CNTNAP2: variants seen among roughly 807,000 people sequenced by gnomAD.
CNTNAP2 encodes contactin-associated protein-like 2.
Under a neutral mutation model 155.2 loss-of-function variants are expected in CNTNAP2, and 98 were observed. That is an observed-to-expected ratio of 0.63 (90% CI 0.54 to 0.75). The LOEUF (loss-of-function observed/expected upper bound fraction) is 0.75, where lower values mean the gene tolerates loss of function less well. Ranked by LOEUF, CNTNAP2 falls within the 30% of genes least tolerant of loss-of-function variation. The pLI is 0.00. For missense variants in CNTNAP2, 1,727 were observed against 1,688.1 expected (o/e 1.02, Z -0.40); for synonymous variants, 651 against 631.2 (o/e 1.03, Z -0.47).
intron 17 of CNTNAP2, among the ~76,000 whole-genome samples, chr7:148,160,285 G>A (rs950327839): frequency 2.0e-5 from 3 of 151,160 alleles, no homozygotes; most frequent in African/African-American, 7.3e-5. Flanking sequence ...AATGATGTGC[G>A]CCTATAGTCT....
At chr7:147,926,276 C>T (rs1283732010) in intron 14 of CNTNAP2, among the ~76,000 whole-genome samples, 1 of 152,158 alleles carries the variant, frequency 6.6e-6, no homozygotes, top group East Asian at 1.9e-4. Context: ...TGGAGACTTA[C>T]ATGAAGCCTC....
At chr7:148,191,255 G>GCTCTCT (rs140567836) in intron 18 of CNTNAP2, among the ~76,000 whole-genome samples, 3 of 148,254 alleles carry the variant, frequency 2.0e-5, no homozygotes, top group East Asian at 2.0e-4. Flanking sequence ...GTGCACTCTT[G>GCTCTCT]CTCTCTCTCT....
chr7:148,365,764 A>ACGTGTATACATGTATGTGTATG (rs1798734716), intron 21 of CNTNAP2, among the ~76,000 whole-genome samples: 3 of 56,230 alleles, frequency 5.3e-5, no homozygotes, highest in African/African-American at 2.8e-4. Context: ...GTATGTGTAT[A>ACGTGTATACATGTATGTGTATG]CGTGTATACA....
At chr7:147,962,206 C>A (rs1279717037) in intron 14 of CNTNAP2, among the ~76,000 whole-genome samples, 1 of 152,190 alleles carries the variant, frequency 6.6e-6, no homozygotes, top group Non-Finnish European at 1.5e-5. Flanking sequence ...GAAGCAAATT[C>A]TATATGAAAA....
At chr7:147,379,200 G>C (rs1796491922) in intron 9 of CNTNAP2, among the ~76,000 whole-genome samples, 1 of 152,022 alleles carries the variant, frequency 6.6e-6, no homozygotes, top group Non-Finnish European at 1.5e-5. Context: ...TCTTGCCTAT[G>C]TCTGTATTAG....
chr7:148,334,865 C>G (rs1798090812), intron 21 of CNTNAP2, among the ~76,000 whole-genome samples: 1 of 152,144 alleles, frequency 6.6e-6, no homozygotes, highest in Admixed American at 6.5e-5. Flanking sequence ...AAAGACACAG[C>G]CAGGGGAAAC....
chr7:147,479,148 T>C (rs1798375702), intron 10 of CNTNAP2, among the ~76,000 whole-genome samples: 1 of 152,228 alleles, frequency 6.6e-6, no homozygotes, highest in South Asian at 2.1e-4. Context: ...GGCCCTTGTC[T>C]TCCCTCCACG....
chr7:147,225,802 A>AAGGAAG (rs1803515340), intron 8 of CNTNAP2, among the ~76,000 whole-genome samples: 7 of 94,882 alleles, frequency 7.4e-5, no homozygotes, highest in Non-Finnish European at 1.6e-4. Flanking sequence ...AAGGAAGGAA[A>AAGGAAG]GAAAGAAAGA....
At chr7:148,334,130 G>T (rs545593381) in intron 21 of CNTNAP2, among the ~76,000 whole-genome samples, 2 of 152,312 alleles carry the variant, frequency 1.3e-5, no homozygotes, top group East Asian at 1.9e-4. Flanking sequence ...CTAATGAATG[G>T]CAGCAGCATG....
chr7:147,775,236 T>TATATATTTATATATATATTTATAA lies in CNTNAP2; in HGVS notation c.2099-128298_2099-128275dup, dbSNP rs1563084275. 6.1e-4 allele frequency among the ~76,000 whole-genome samples: 73 copies of TATATATTTATATATATATTTATAA among 120,198 alleles called. 3 individuals are homozygous for TATATATTTATATATATATTTATAA. The highest frequency in any genetic ancestry group is 4.8e-3 in the East Asian group (21 of 4,370). The allele number at this position is 120,198 out of a possible 152,430, so 78.9% of individuals were successfully genotyped here. ...CCTATAAATACAAAAGAAATATATA[T>TATATATTTATATATATATTTATAA]ATATATTTATATATATATTTATAAA... On this transcript the variant is annotated intron_variant, in intron 13 of 23. Coordinates refer to ENST00000361727, the MANE Select transcript of CNTNAP2 (RefSeq NM_014141.6).
chr7:147,091,771 A>AT (rs541745138), intron 4 of CNTNAP2, among the ~76,000 whole-genome samples: 17 of 151,524 alleles, frequency 1.1e-4, no homozygotes, highest in South Asian at 4.2e-4. Context: ...ATGCCCGGCT[A>AT]TTTTTTTTGT....
chr7:146,167,274 G>A (rs977169969), intron 1 of CNTNAP2, among the ~76,000 whole-genome samples: 10 of 152,148 alleles, frequency 6.6e-5, no homozygotes, highest in Admixed American at 4.6e-4. Context: ...CTCATTGTTG[G>A]TCATATAAAT....
intron 1 of CNTNAP2, among the ~76,000 whole-genome samples, chr7:146,598,909 G>A (rs1798904330): frequency 6.6e-6 from 1 of 151,960 alleles, no homozygotes; most frequent in Admixed American, 6.6e-5. Flanking sequence ...AATGGAGAAT[G>A]CACTAAATGC....
intron 2 of CNTNAP2, among the ~76,000 whole-genome samples, chr7:146,787,953 C>T (rs2129188376): frequency 6.6e-6 from 1 of 152,280 alleles, no homozygotes; most frequent in African/African-American, 2.4e-5. Flanking sequence ...TTCTCCAAGT[C>T]CCCACCAGAT....
rs1799871852 is a variant in CNTNAP2 at position 148,412,734 on chromosome 7, T to A, written c.3797-2683T>A. On this transcript the variant is annotated intron_variant, in intron 23 of 23. Coordinates refer to ENST00000361727, the MANE Select transcript of CNTNAP2 (RefSeq NM_014141.6). ...GTAGGATTTTCAGTACAAAAGTGAATAAATATTGAGATTTGACAATTTTGC... is the reference window on the plus strand; with the variant it reads ...GTAGGATTTTCAGTACAAAAGTGAAAAAATATTGAGATTTGACAATTTTGC... Among the ~76,000 whole-genome samples the A allele has an allele frequency of 2.0e-5, 3 of 152,138 alleles. No individual in the cohort carries two copies. In the South Asian group the frequency reaches 6.2e-4, roughly 32 times the overall value.
At chr7:146,218,462 T>C (rs1799152089) in intron 1 of CNTNAP2, among the ~76,000 whole-genome samples, 1 of 151,928 alleles carries the variant, frequency 6.6e-6, no homozygotes, top group Admixed American at 6.6e-5. Context: ...TGAGCTGAGA[T>C]CGCGCCACTG....
At chr7:146,462,789 T>C (rs991667788) in intron 1 of CNTNAP2, among the ~76,000 whole-genome samples, 2 of 152,200 alleles carry the variant, frequency 1.3e-5, no homozygotes, top group Non-Finnish European at 2.9e-5. Flanking sequence ...AATAGTATGT[T>C]GACTTAGTAG....
intron 13 of CNTNAP2, among the ~76,000 whole-genome samples, chr7:147,681,979 A>C (rs2116980795): frequency 6.6e-6 from 1 of 152,014 alleles, no homozygotes; most frequent in Admixed American, 6.6e-5. Context: ...AGATCTTCTG[A>C]AAAAAGGAGA....
intron 8 of CNTNAP2, among the ~76,000 whole-genome samples, chr7:147,163,002 A>G (rs1802057347): frequency 6.6e-6 from 1 of 152,158 alleles, no homozygotes; most frequent in South Asian, 2.1e-4. Context: ...TGGCGATGAT[A>G]AACATGCAGT....
Sources: gnomAD v4.1 joint callset for allele counts (sites outside exome capture counted in the v4.1 genomes callset) on GRCh38, gnomAD v4.1.1 for gene constraint, MANE v1.5 for transcripts, NCBI Gene and HGNC (gene_info 2026-07-23, HGNC 2026-07-21) for gene names.